Variants in MEIG1 observed in about 807,000 individuals in gnomAD.
MEIG1 encodes the protein meiosis expressed gene 1 protein homolog.
In MEIG1, 12 loss-of-function variants were observed where a neutral mutation model predicts 11.3. The ratio of observed to expected loss-of-function variants is 1.07; its 90% CI spans 0.68 to 1.73. MEIG1 has a LOEUF of 1.73. MEIG1 is among the 40% of genes most tolerant of loss of function. MEIG1 has a pLI of 0.00. For missense variants in MEIG1, 119 were observed against 104.9 expected (o/e 1.13, Z -0.59); for synonymous variants, 41 against 33.2 (o/e 1.24, Z -0.81).
upstream of MEIG1, among the ~76,000 whole-genome samples, chr10:14,956,513 C>T (rs141774886): frequency 2.1e-3 from 318 of 152,124 alleles, 1 homozygote; most frequent in African/African-American, 7.3e-3. Context: ...ACCCAGGATG[C>T]GGAAATTGCA....
chr10:14,973,531 A>G (rs1843175034), downstream of MEIG1, among the ~76,000 whole-genome samples: 1 of 152,160 alleles, frequency 6.6e-6, no homozygotes, highest in Non-Finnish European at 1.5e-5. Flanking sequence ...GCACTTTGGG[A>G]GGCCGAGGAG....
chr10:14,959,364 G>T (rs901011614), upstream of MEIG1: 1 of 152,328 alleles, frequency 6.6e-6, no homozygotes, highest in African/African-American at 2.4e-5. Context: ...AAGGAGCCGG[G>T]AGCTCCTGCA....
At chr10:14,984,209 G>GA (rs1234101232) in intron 1 of MEIG1, among the ~76,000 whole-genome samples, 4 of 150,824 alleles carry the variant, frequency 2.7e-5, no homozygotes, top group Admixed American at 2.6e-4. Flanking sequence ...GCATCGTGGG[G>GA]GGAGCCCACC....
intron 1 of MEIG1, among the ~76,000 whole-genome samples, chr10:14,964,597 A>G (rs61842861): frequency 0.36 from 40,362 of 111,026 alleles, 7,609 homozygotes; most frequent in Non-Finnish European, 0.39. Context: ...ATATATATAT[A>G]TATATATATA....
At chr10:14,956,422 T>A (rs1287957703), upstream of MEIG1, among the ~76,000 whole-genome samples, 18 of 147,416 alleles carry the variant, frequency 1.2e-4, no homozygotes, top group Admixed American at 1.3e-4. Flanking sequence ...CTACTAAAAA[T>A]AAAAAAAAAA....
At chr10:14,975,846 A>T (rs1341096065), downstream of MEIG1, among the ~76,000 whole-genome samples, 2 of 152,114 alleles carry the variant, frequency 1.3e-5, no homozygotes, top group Non-Finnish European at 2.9e-5. Flanking sequence ...AGAGGACGAT[A>T]CTACACCCAA....
chr10:14,967,265 G>A (rs1484489515), intron 2 of MEIG1, among the ~76,000 whole-genome samples: 1 of 151,886 alleles, frequency 6.6e-6, no homozygotes, highest in Middle Eastern at 3.2e-3. Flanking sequence ...TTTCCCTCCT[G>A]TTACTTTTTA....
intron 1 of MEIG1, among the ~76,000 whole-genome samples, chr10:14,982,920 G>A (rs560753989): frequency 6.6e-6 from 1 of 152,082 alleles, no homozygotes; most frequent in Non-Finnish European, 1.5e-5. Flanking sequence ...TTAGAAAACA[G>A]TCATATTAGC....
chr10:14,982,405 G>T (rs111442232), intron 1 of MEIG1, among the ~76,000 whole-genome samples: 1 of 152,134 alleles, frequency 6.6e-6, no homozygotes, highest in African/African-American at 2.4e-5. Context: ...CTGCTTGGAG[G>T]ACTCTTTGCC....
downstream of MEIG1, among the ~76,000 whole-genome samples, chr10:14,977,488 G>T (rs773635593): frequency 2.0e-5 from 3 of 151,974 alleles, no homozygotes; most frequent in African/African-American, 7.3e-5. Flanking sequence ...ATTGTAGGGG[G>T]ATGTCACTCC....
intron 2 of MEIG1, among the ~76,000 whole-genome samples, chr10:14,970,754 T>C (rs1481060628): frequency 6.6e-6 from 1 of 152,238 alleles, no homozygotes; most frequent in Non-Finnish European, 1.5e-5. Flanking sequence ...ATTCATCTCC[T>C]CTTCCTACTG....
upstream of MEIG1, among the ~76,000 whole-genome samples, chr10:14,954,941 T>G (rs1411250906): frequency 6.6e-6 from 1 of 152,166 alleles, no homozygotes. Flanking sequence ...TTTATTTTAT[T>G]TATTTATTCA....
chr10:14,973,456 T>C (rs12782747), downstream of MEIG1, among the ~76,000 whole-genome samples: 102,426 of 151,288 alleles, frequency 0.68, 34,873 homozygotes, highest in African/African-American at 0.71. Context: ...CACTAGTGAC[T>C]GCTGGGAAGT....
chr10:14,983,055 T>G (rs1196638968), intron 1 of MEIG1, among the ~76,000 whole-genome samples: 1 of 152,146 alleles, frequency 6.6e-6, no homozygotes. Flanking sequence ...AATATGAATA[T>G]TATGCCTAAT....
At chr10:14,967,196 CT>C (rs1353071031) in intron 2 of MEIG1, among the ~76,000 whole-genome samples, 1 of 149,046 alleles carries the variant, frequency 6.7e-6, no homozygotes, top group Non-Finnish European at 1.5e-5. Context: ...AAAAAAAAAG[CT>C]TTTTTCCTCA....
At chr10:14,961,641 T>A (rs913475790) in intron 1 of MEIG1, among the ~76,000 whole-genome samples, 15 of 128,162 alleles carry the variant, frequency 1.2e-4, no homozygotes, top group Middle Eastern at 4.1e-3. Context: ...CCGGCTAATT[T>A]TTTTTTTTTT....
intron 2 of MEIG1, among the ~76,000 whole-genome samples, chr10:14,967,835 T>TG (rs966970355): frequency 3.3e-5 from 5 of 151,716 alleles, no homozygotes; most frequent in African/African-American, 4.8e-5. Context: ...GACAAACCTT[T>TG]TCTTAATTAT....
downstream of MEIG1, among the ~76,000 whole-genome samples, chr10:14,976,641 G>T (rs1424168593): frequency 6.6e-6 from 1 of 151,848 alleles, no homozygotes; most frequent in Non-Finnish European, 1.5e-5. Flanking sequence ...TGTCACAGAG[G>T]GTGTACACCT....
chr10:14,971,858 C>G (rs996376275), intron 2 of MEIG1, among the ~76,000 whole-genome samples: 5 of 152,078 alleles, frequency 3.3e-5, no homozygotes, highest in African/African-American at 1.2e-4. Context: ...TGGCTCAGGC[C>G]TGTAATTCCA....
Sources: gnomAD v4.1 joint callset for allele counts (sites outside exome capture counted in the v4.1 genomes callset) on GRCh38, gnomAD v4.1.1 for gene constraint, MANE v1.5 for transcripts, NCBI Gene and HGNC (gene_info 2026-07-23, HGNC 2026-07-21) for gene names.